Variants in METTL15 observed in about 807,000 individuals in gnomAD.
The protein encoded by METTL15 is 12S rRNA N(4)-cytidine methyltransferase METTL15.
Under a neutral mutation model 38.3 loss-of-function variants are expected in METTL15, and 34 were observed. That is an observed-to-expected ratio of 0.89 (90% CI 0.68 to 1.18). The LOEUF (loss-of-function observed/expected upper bound fraction) is 1.18, where lower values mean the gene tolerates loss of function less well. Ranked by LOEUF, METTL15 falls within the 50% of genes most tolerant of loss-of-function variation. The pLI, the probability that METTL15 is intolerant of heterozygous loss-of-function variation, is 0.00. For synonymous variants in METTL15, 162 were observed against 170.9 expected, an observed-to-expected ratio of 0.95 and a Z score of 0.41; for missense variants, 438 against 498.4, an observed-to-expected ratio of 0.88 and a Z score of 1.15.
chr11:28,485,233 TGCAAG>T (rs1851429018), intron 6 of METTL15, among the ~76,000 whole-genome samples: 1 of 127,368 alleles, frequency 7.9e-6, no homozygotes, highest in African/African-American at 2.6e-5. Context: ...ACTTATTGAA[TGCAAG>T]AAAAGAAAAG....
intron 5 of METTL15, among the ~76,000 whole-genome samples, chr11:28,412,731 T>C (rs558336310): frequency 8.4e-4 from 128 of 151,908 alleles, no homozygotes; most frequent in African/African-American, 3.0e-3. Context: ...ATTGGTACCA[T>C]AGGTGGAGGT....
chr11:28,420,783 A>C (rs1300648701), intron 5 of METTL15, among the ~76,000 whole-genome samples: 1 of 152,094 alleles, frequency 6.6e-6, no homozygotes, highest in Non-Finnish European at 1.5e-5. Context: ...ACTTCCAATA[A>C]ACAACCCAGC....
At chr11:28,380,794 C>A (rs1850374704) in intron 5 of METTL15, among the ~76,000 whole-genome samples, 1 of 151,364 alleles carries the variant, frequency 6.6e-6, no homozygotes. Context: ...CTCTCCTTCA[C>A]ATTTGAAAGA....
At chr11:28,305,686 T>C (rs1457732969) in intron 6 of METTL15, among the ~76,000 whole-genome samples, 1 of 152,170 alleles carries the variant, frequency 6.6e-6, no homozygotes, top group East Asian at 1.9e-4. Flanking sequence ...CCCAGCACTT[T>C]GTATCTTGTG....
At chr11:28,382,648 A>G (rs1480266375) in intron 5 of METTL15, among the ~76,000 whole-genome samples, 2 of 152,056 alleles carry the variant, frequency 1.3e-5, no homozygotes, top group Non-Finnish European at 2.9e-5. Flanking sequence ...AGCCTGACCA[A>G]GATGGAGAAA....
chr11:28,293,421 G>T (rs942609023), intron 5 of METTL15, among the ~76,000 whole-genome samples: 1 of 152,192 alleles, frequency 6.6e-6, no homozygotes, highest in Admixed American at 6.5e-5. Flanking sequence ...CTATGTCTCT[G>T]TTTTGGTACC....
At chr11:28,369,101 T>G (rs1314725487) in intron 5 of METTL15, among the ~76,000 whole-genome samples, 1 of 152,028 alleles carries the variant, frequency 6.6e-6, no homozygotes, top group Non-Finnish European at 1.5e-5. Context: ...TGTATACCTA[T>G]GTAGCAAAAC....
intron 6 of METTL15, among the ~76,000 whole-genome samples, chr11:28,299,845 A>C (rs561179441): frequency 5.3e-5 from 8 of 152,228 alleles, no homozygotes; most frequent in Admixed American, 5.2e-4. Context: ...CTTCCTTACT[A>C]TTCCTAGCAT....
intron 4 of METTL15, among the ~76,000 whole-genome samples, chr11:28,235,951 G>A (rs971842600): frequency 7.3e-5 from 11 of 151,312 alleles, no homozygotes; most frequent in African/African-American, 2.4e-4. Flanking sequence ...GTTTGTCATA[G>A]ATAGCTCTTA....
At chr11:28,415,930 T>C (rs1216743017) in intron 5 of METTL15, among the ~76,000 whole-genome samples, 1 of 152,194 alleles carries the variant, frequency 6.6e-6, no homozygotes, top group Non-Finnish European at 1.5e-5. Flanking sequence ...CTTGTAAAAT[T>C]TGTGGGGCCT....
chr11:28,485,708 A>C (rs1851432645), intron 6 of METTL15, among the ~76,000 whole-genome samples: 1 of 152,204 alleles, frequency 6.6e-6, no homozygotes, highest in African/African-American at 2.4e-5. Flanking sequence ...ACCCCTTACA[A>C]CAGTGTCTTA....
intron 3 of METTL15, among the ~76,000 whole-genome samples, chr11:28,171,311 G>C (rs1002730916): frequency 3.9e-5 from 6 of 152,140 alleles, no homozygotes; most frequent in Non-Finnish European, 8.8e-5. Context: ...TTTGTGACTT[G>C]TAGTGCAGCA....
intron 5 of METTL15, among the ~76,000 whole-genome samples, chr11:28,292,817 G>GAGCAT (rs1856572862): frequency 1.3e-5 from 2 of 152,322 alleles, no homozygotes; most frequent in African/African-American, 4.8e-5. Context: ...TAGTGATGAT[G>GAGCAT]AGCATTTTTT....
chr11:28,297,768 T>G (rs1054733028), intron 6 of METTL15, among the ~76,000 whole-genome samples: 10 of 152,136 alleles, frequency 6.6e-5, no homozygotes, highest in African/African-American at 2.4e-4. Context: ...CCAAATGTAT[T>G]AAGATTTTTT....
chr11:28,409,550 A>C (rs1312827581), intron 5 of METTL15, among the ~76,000 whole-genome samples: 1 of 152,118 alleles, frequency 6.6e-6, no homozygotes, highest in Non-Finnish European at 1.5e-5. Context: ...AGCAGGACCC[A>C]AAAGGCAAAT....
At chr11:28,306,781 A>T (rs531685106) in intron 6 of METTL15, among the ~76,000 whole-genome samples, 1 of 152,130 alleles carries the variant, frequency 6.6e-6, no homozygotes, top group South Asian at 2.1e-4. Flanking sequence ...ATCAAAGATT[A>T]TATTTTTGGG....
At chr11:28,115,806 T>C (rs1851918122) in intron 3 of METTL15, among the ~76,000 whole-genome samples, 1 of 151,956 alleles carries the variant, frequency 6.6e-6, no homozygotes, top group Non-Finnish European at 1.5e-5. Flanking sequence ...TAAGTGGACT[T>C]TCGCAGTTCA....
intron 6 of METTL15, chr11:28,327,967 A>G: frequency 1.1e-6 from 1 of 901,432 alleles, no homozygotes. Context: ...GCAAAATATC[A>G]AAGATAATGC....
rs138052469 is a variant in METTL15 at position 28,321,936 on chromosome 11, G to A, written c.779-8460G>A. ...AGAAATGTAGTATATGATCAAGAGGGTACTTCAAATGGGTACGAAAAGAAT... is the reference window on the plus strand; with the variant it reads ...AGAAATGTAGTATATGATCAAGAGGATACTTCAAATGGGTACGAAAAGAAT... On this transcript the variant is annotated intron_variant, in intron 6 of 6. Coordinates refer to ENST00000407364, the MANE Select transcript of METTL15 (RefSeq NM_001113528.2). Among the ~76,000 whole-genome samples the A allele has an allele frequency of 5.9e-5, 9 of 151,880 alleles. No individual in the cohort carries two copies. In the South Asian group the frequency reaches 8.3e-4, roughly 14 times the overall value.
Sources: allele counts gnomAD v4.1 joint callset (sites outside exome capture counted in the v4.1 genomes callset), GRCh38; gene constraint gnomAD v4.1.1; transcripts MANE v1.5; gene names NCBI Gene and HGNC (gene_info 2026-07-23, HGNC 2026-07-21).